The following RALGAPA2 variants were observed in gnomAD, a reference collection of about 807,000 sequenced individuals.
RALGAPA2 encodes Ral GTPase activating protein catalytic subunit alpha 2.
A neutral mutation model predicts 230.4 loss-of-function variants in RALGAPA2; 139 were observed. That is an observed-to-expected ratio of 0.60 (90% CI 0.53 to 0.69). RALGAPA2 has a LOEUF of 0.69. Ranked by LOEUF, RALGAPA2 falls within the 30% of genes least tolerant of loss-of-function variation. RALGAPA2 has a pLI of 0.00. For missense variants in RALGAPA2, 2,163 were observed against 2,276.0 expected, an observed-to-expected ratio of 0.95 and a Z score of 1.01; for synonymous variants, 847 against 837.8, an observed-to-expected ratio of 1.01 and a Z score of -0.19.
intron 16 of RALGAPA2, among the ~76,000 whole-genome samples, chr20:20,597,820 C>G (rs1220026867): frequency 2.6e-5 from 4 of 152,044 alleles, no homozygotes; most frequent in Non-Finnish European, 5.9e-5. Context: ...GCCTGGGCAA[C>G]AGAGAGAGAT....
chr20:20,463,250 T>C (rs1245806039), intron 37 of RALGAPA2, among the ~76,000 whole-genome samples: 1 of 151,970 alleles, frequency 6.6e-6, no homozygotes. Flanking sequence ...CTGGGGCCAA[T>C]GAATTAACTA....
intron 35 of RALGAPA2, among the ~76,000 whole-genome samples, chr20:20,497,897 G>A (rs2062256828): frequency 6.6e-6 from 1 of 152,228 alleles, no homozygotes; most frequent in Admixed American, 6.5e-5. Flanking sequence ...ATATGTCACA[G>A]TTTAATTAGC....
At chr20:20,693,775 A>T (rs1411906856) in intron 1 of RALGAPA2, among the ~76,000 whole-genome samples, 1 of 152,178 alleles carries the variant, frequency 6.6e-6, no homozygotes, top group Non-Finnish European at 1.5e-5. Context: ...CCAGACAGTC[A>T]GGCTCCCATA....
intron 35 of RALGAPA2, among the ~76,000 whole-genome samples, chr20:20,496,713 A>C (rs2062215898): frequency 6.6e-6 from 1 of 152,260 alleles, no homozygotes; most frequent in South Asian, 2.1e-4. Flanking sequence ...GTTAGCATAA[A>C]TACAGTTTTC....
chr20:20,570,060 T>C (rs141542200), intron 23 of RALGAPA2, among the ~76,000 whole-genome samples: 10 of 152,312 alleles, frequency 6.6e-5, no homozygotes, highest in African/African-American at 2.2e-4. Flanking sequence ...CTTGCAATGA[T>C]GCCTGTAAAA....
intron 2 of RALGAPA2, among the ~76,000 whole-genome samples, chr20:20,679,555 G>A (rs2068450659): frequency 2.0e-5 from 3 of 152,226 alleles, no homozygotes; most frequent in Admixed American, 6.5e-5. Flanking sequence ...TAGAATTCAA[G>A]GCTCCTTGCA....
chr20:20,523,782 A>G (rs1054432704), intron 30 of RALGAPA2, among the ~76,000 whole-genome samples: 15 of 152,220 alleles, frequency 9.9e-5, no homozygotes, highest in African/African-American at 3.1e-4. Context: ...AGATATCCCT[A>G]TAATATGAAC....
intron 17 of RALGAPA2, among the ~76,000 whole-genome samples, chr20:20,590,595 T>C (rs1314841437): frequency 6.6e-6 from 1 of 152,272 alleles, no homozygotes; most frequent in Admixed American, 6.5e-5. Flanking sequence ...TATTCTTCAC[T>C]GTTTACAGGT....
At chr20:20,409,459 C>G (rs934371268) in intron 38 of RALGAPA2, among the ~76,000 whole-genome samples, 3 of 152,182 alleles carry the variant, frequency 2.0e-5, no homozygotes, top group African/African-American at 4.8e-5. Flanking sequence ...AAGCCCAAGG[C>G]CCTGCTTTGA....
chr20:20,635,332 A>T, intron 9 of RALGAPA2, 86 bp downstream of exon 9: 1 of 1,367,186 alleles, frequency 7.3e-7, no homozygotes. Flanking sequence ...AAGAACCAAT[A>T]ACTCTAACAA....
intron 16 of RALGAPA2, among the ~76,000 whole-genome samples, chr20:20,592,019 C>T (rs566219549): frequency 4.6e-5 from 7 of 152,184 alleles, no homozygotes; most frequent in Non-Finnish European, 7.3e-5. Context: ...GCACAGTACA[C>T]TTTAATCTCT....
At chr20:20,636,996 C>T (rs745602982) in intron 8 of RALGAPA2, among the ~76,000 whole-genome samples, 18 of 152,172 alleles carry the variant, frequency 1.2e-4, no homozygotes, top group Non-Finnish European at 2.4e-4. Flanking sequence ...GGCTGGCCTC[C>T]AGTCACTGAG....
At chr20:20,453,992 G>T (rs751353146) in intron 37 of RALGAPA2, among the ~76,000 whole-genome samples, 10 of 152,152 alleles carry the variant, frequency 6.6e-5, no homozygotes, top group Non-Finnish European at 1.2e-4. Context: ...TCTCCAGCAA[G>T]AAATGCACCT....
rs561205338 is a variant in RALGAPA2, at chr20:20,590,962, A to G, written c.2341+215T>C. On this transcript the variant is annotated intron_variant, in intron 17 of 39. Coordinates refer to ENST00000202677, the MANE Select transcript of RALGAPA2 (RefSeq NM_020343.4). ...CCAACCTTTAAAAAAGTGGGTATAT[A>G]TCTACATATAGATATATAAAAATAA... Among the ~76,000 whole-genome samples the G allele has an allele frequency of 1.5e-4, 23 of 152,284 alleles. 1 individual carries two copies. Among genetic ancestry groups the G allele is most frequent in the Middle Eastern group, 6.8e-3 (2 of 294 alleles).
At chr20:20,648,492 T>G (rs186851519) in intron 4 of RALGAPA2, among the ~76,000 whole-genome samples, 170 of 152,254 alleles carry the variant, frequency 1.1e-3, no homozygotes, top group Middle Eastern at 3.4e-3. Context: ...ATTTTAAATA[T>G]ATGTAATTTA....
chr20:20,526,583 C>T (rs985202012), intron 27 of RALGAPA2, among the ~76,000 whole-genome samples: 4 of 152,076 alleles, frequency 2.6e-5, no homozygotes, highest in East Asian at 1.9e-4. Flanking sequence ...ATTTACATAA[C>T]GTTCTACAGG....
intron 4 of RALGAPA2, among the ~76,000 whole-genome samples, chr20:20,652,024 T>C (rs575479447): frequency 6.6e-6 from 1 of 152,344 alleles, no homozygotes; most frequent in South Asian, 2.1e-4. Flanking sequence ...AAAGGAAAAC[T>C]TTCTTTGTGT....
chr20:20,599,729 T>C (rs182193284), intron 16 of RALGAPA2, among the ~76,000 whole-genome samples: 14 of 152,186 alleles, frequency 9.2e-5, no homozygotes, highest in African/African-American at 3.4e-4. Context: ...TCCCAACACT[T>C]TGGAAGGCCA....
chr20:20,707,882 T>C (rs2069670970), intron 1 of RALGAPA2, among the ~76,000 whole-genome samples: 1 of 152,112 alleles, frequency 6.6e-6, no homozygotes, highest in South Asian at 2.1e-4. Flanking sequence ...GCCATGTTAC[T>C]TACCATCACT....
Sources: gnomAD v4.1 joint callset for allele counts (sites outside exome capture counted in the v4.1 genomes callset) on GRCh38, gnomAD v4.1.1 for gene constraint, MANE v1.5 for transcripts, NCBI Gene and HGNC (gene_info 2026-07-23, HGNC 2026-07-21) for gene names.